Variants in LPAR1 observed in about 807,000 individuals in gnomAD.
The protein encoded by LPAR1 is lysophosphatidic acid receptor 1, also known as LPA receptor 1.
In LPAR1, 5 loss-of-function variants were observed where a neutral mutation model predicts 23.8. The observed-to-expected ratio is 0.21, with a 90% CI of 0.11 to 0.44. The LOEUF (loss-of-function observed/expected upper bound fraction) is 0.44, where lower values mean the gene tolerates loss of function less well. Among genes scored for constraint, LPAR1 ranks in the 20% least tolerant of loss-of-function variants. The probability of loss-of-function intolerance (pLI) is 0.99; values close to 1 mark genes in which losing one functional copy is unlikely to be tolerated. For missense variants in LPAR1, 311 were observed against 482.8 expected (o/e 0.64, Z 3.33); for synonymous variants, 160 against 164.7 (o/e 0.97, Z 0.22).
upstream of LPAR1, chr9:111,038,792 G>A (rs1032001798): frequency 7.6e-5 from 24 of 314,924 alleles, no homozygotes; most frequent in Non-Finnish European, 1.3e-4. This position sits in a 1 kb window ranked among gnomAD's most constrained non-coding sequence, Gnocchi z 4.4. Context: ...CCCCCGCCCC[G>A]CCCCCGAGTC....
intron 2 of LPAR1, among the ~76,000 whole-genome samples, chr9:110,984,843 T>C (rs1051574437): frequency 6.7e-6 from 1 of 149,880 alleles, no homozygotes; most frequent in Non-Finnish European, 1.5e-5. Context: ...GTGTAACTAA[T>C]AAGCTAAGAT....
rs183603009 is a variant in LPAR1, at chr9:111,003,237, A to G, written c.-181-29679T>C. ...CAGCTGAAATGTGTAAGTTTTATATAAAGTATTTAAACCACAGAGATTCAG... is the reference window on the plus strand; with the variant it reads ...CAGCTGAAATGTGTAAGTTTTATATGAAGTATTTAAACCACAGAGATTCAG... On this transcript the variant is annotated intron_variant, in intron 2 of 5. Transcript: ENST00000683809. Among the ~76,000 whole-genome samples the G allele has an allele frequency of 3.9e-4, 59 of 152,294 alleles. 1 individual carries two copies. Among genetic ancestry groups the G allele is most frequent in the Admixed American group, 3.3e-3 (50 of 15,300 alleles).
At chr9:110,909,726 AAAG>A in intron 5 of LPAR1, among the ~76,000 whole-genome samples, 2 of 118,976 alleles carry the variant, frequency 1.7e-5, no homozygotes, top group East Asian at 2.6e-4. Flanking sequence ...TTTATTAAAT[AAAG>A]TATTTATTTA....
intron 5 of LPAR1, among the ~76,000 whole-genome samples, chr9:110,887,878 T>C (rs1362768921): frequency 6.6e-6 from 1 of 152,230 alleles, no homozygotes; most frequent in African/African-American, 2.4e-5. Flanking sequence ...CCTACAGATA[T>C]ATTTACACAC....
chr9:111,026,207 C>T (rs2097688614), intron 2 of LPAR1, among the ~76,000 whole-genome samples: 1 of 152,124 alleles, frequency 6.6e-6, no homozygotes, highest in Non-Finnish European at 1.5e-5. Flanking sequence ...TTTCCTTGAG[C>T]ACTGGTTTGT....
rs1439311394 is a variant in LPAR1, at chr9:110,922,833, T to TTATTAC, written c.793+18587_793+18588insGTAATA. Among the ~76,000 whole-genome samples the TTATTAC allele has an allele frequency of 6.1e-5, 9 of 147,184 alleles. No individual in the cohort carries two copies. In the East Asian group the frequency reaches 1.6e-3, roughly 26 times the overall value. On this transcript the variant is annotated intron_variant, in intron 5 of 5. Coordinates refer to ENST00000683809, the MANE Select transcript of LPAR1 (RefSeq NM_001351411.2). Reference sequence around the variant, plus strand: ...TCAAGGTCTTATTATTATATTATTATTATTATTATTATTATTATTATTATA... The same window carrying TTATTAC: ...TCAAGGTCTTATTATTATATTATTATTATTACTATTATTATTATTATTATTATTATA...
At position 110,875,382 on chromosome 9, in the gene LPAR1, C is replaced by G. The variant is rs955888; in HGVS notation, c.*39G>C. The G allele has an allele frequency of 1.3e-6, 2 of 1,559,734 alleles. No homozygotes were observed. The highest frequency in any genetic ancestry group is 1.7e-6 in the Non-Finnish European group (2 of 1,149,026). ...TGGGTAGGGGGAGGCTGTTTATCCT[C>G]CAAGAGAGGACGGCTGGTTCCTCAT... On this transcript the variant is annotated 3_prime_UTR_variant, in exon 6 of 6. Transcript: ENST00000683809.
chr9:111,031,885 T>C (rs1294687961), intron 2 of LPAR1, among the ~76,000 whole-genome samples: 2 of 152,170 alleles, frequency 1.3e-5, no homozygotes, highest in Non-Finnish European at 2.9e-5. Context: ...CCTCAAAGTA[T>C]TGAGACTACC....
chr9:110,917,478 G>A (rs1235803091), intron 5 of LPAR1, among the ~76,000 whole-genome samples: 1 of 152,142 alleles, frequency 6.6e-6, no homozygotes, highest in Non-Finnish European at 1.5e-5. Flanking sequence ...AAAGCCACAT[G>A]ACTGGGCTAT....
At chr9:110,999,502 G>A in intron 2 of LPAR1, 1 of 450,674 alleles carries the variant, frequency 2.2e-6, no homozygotes, top group South Asian at 1.6e-5. Flanking sequence ...GTCTTAGTCA[G>A]TTCAGGCTGC....
At chr9:110,930,320 A>G (rs2094326134) in intron 5 of LPAR1, among the ~76,000 whole-genome samples, 1 of 151,884 alleles carries the variant, frequency 6.6e-6, no homozygotes, top group East Asian at 1.9e-4. Flanking sequence ...GTTCGATACC[A>G]CCCTGACCAA....
At position 110,899,726 on chromosome 9, in the gene LPAR1, G is replaced by A. The variant is rs114769255; in HGVS notation, c.794-24004C>T. Among the ~76,000 whole-genome samples, 850 of 152,286 alleles carry A rather than the reference G, an allele frequency of 5.6e-3. 6 individuals are homozygous for A. The highest frequency in any genetic ancestry group is 0.019 in the African/African-American group (793 of 41,580). On this transcript the variant is annotated intron_variant, in intron 5 of 5. Coordinates refer to ENST00000683809, the MANE Select transcript of LPAR1 (RefSeq NM_001351411.2). ...CTAACAGCTGTCAGGTAATGCTAAT[G>A]TTACTCATCCATGTACAGCACTTTG... is the stretch of plus-strand genomic sequence containing the variant.
intron 2 of LPAR1, among the ~76,000 whole-genome samples, chr9:111,032,088 T>C (rs900429913): frequency 1.3e-5 from 2 of 152,138 alleles, no homozygotes; most frequent in African/African-American, 2.4e-5. Flanking sequence ...CTACTGAATA[T>C]GGAAGAAAGA....
At chr9:111,025,232 G>C (rs1377814577) in intron 2 of LPAR1, among the ~76,000 whole-genome samples, 1 of 152,150 alleles carries the variant, frequency 6.6e-6, no homozygotes, top group South Asian at 2.1e-4. Context: ...ACTTTTTAAT[G>C]ATTGCCATTC....
At chr9:111,023,079 C>T (rs952566745) in intron 2 of LPAR1, among the ~76,000 whole-genome samples, 3 of 148,698 alleles carry the variant, frequency 2.0e-5, no homozygotes, top group Non-Finnish European at 4.5e-5. Flanking sequence ...AAAAAAAAAC[C>T]CTGCTATTTA....
At chr9:111,006,184 T>A (rs887432646) in intron 2 of LPAR1, among the ~76,000 whole-genome samples, 3 of 152,184 alleles carry the variant, frequency 2.0e-5, no homozygotes, top group African/African-American at 7.2e-5. Flanking sequence ...AACTATTTCC[T>A]GTCAAATGAT....
At chr9:111,011,429 G>T (rs1300271690) in intron 2 of LPAR1, among the ~76,000 whole-genome samples, 10 of 152,226 alleles carry the variant, frequency 6.6e-5, no homozygotes, top group African/African-American at 2.4e-4. Context: ...CAGGCAGTTT[G>T]CTAGAAATTC....
chr9:110,900,418 C>T (rs531177917), intron 5 of LPAR1, among the ~76,000 whole-genome samples: 43 of 152,250 alleles, frequency 2.8e-4, no homozygotes, highest in African/African-American at 9.6e-4. Context: ...CTCACTCCCA[C>T]CATGTTAAAA....
chr9:111,012,871 G>A (rs917574486), intron 2 of LPAR1, among the ~76,000 whole-genome samples: 4 of 152,050 alleles, frequency 2.6e-5, no homozygotes, highest in African/African-American at 7.2e-5. Context: ...AATAGTAAGC[G>A]GGAATTCCTG....
Sources: gnomAD v4.1 joint callset for allele counts (sites outside exome capture counted in the v4.1 genomes callset) on GRCh38, gnomAD v4.1.1 for gene constraint, Gnocchi (gnomAD v3.1) non-coding constraint, MANE v1.5 for transcripts, NCBI Gene and HGNC (gene_info 2026-07-23, HGNC 2026-07-21) for gene names.